The following ESAM variants were observed in gnomAD, a reference collection of about 807,000 sequenced individuals.
The protein encoded by ESAM is endothelial cell-selective adhesion molecule.
A neutral mutation model predicts 31.8 loss-of-function variants in ESAM; 23 were observed. That is an observed-to-expected ratio of 0.72 (90% CI 0.52 to 1.03). The LOEUF is 1.03. ESAM is among the 50% of genes least tolerant of loss of function. The probability of loss-of-function intolerance (pLI) is 0.00; values close to 1 mark genes in which losing one functional copy is unlikely to be tolerated. For missense variants in ESAM, 478 were observed against 488.9 expected (o/e 0.98, Z 0.21); for synonymous variants, 216 against 207.2 (o/e 1.04, Z -0.37).
Position 124,754,578 on chromosome 11 carries a change from C to T in ESAM, c.730+63G>A. On this transcript the variant is annotated intron_variant, in intron 5 of 6. Transcript: ENST00000278927. The surrounding 1 kb of genome is among the most constrained non-coding windows in gnomAD (Gnocchi z 4.5). ...CAGGCCTCAGCAGACAGGCCTCCTC[C>T]CCACTTGCAACCCCTCCCCCACCAT... The T allele has an allele frequency of 6.4e-7, 1 of 1,568,790 alleles. No homozygotes were observed. The highest frequency in any genetic ancestry group is 1.4e-5 in the African/African-American group (1 of 74,000).
Position 124,756,286 on chromosome 11 carries a change from A to C in ESAM, c.528T>G (p.Ser176=), listed in dbSNP as rs1470644577. The C allele has an allele frequency of 6.2e-7, 1 of 1,613,874 alleles. No individual in the cohort carries two copies. Among genetic ancestry groups the C allele is most frequent in the Non-Finnish European group, 8.5e-7 (1 of 1,179,976 alleles). The change falls in exon 4 of 7, where the codon TCT becomes TCG. Residue 176 remains serine, a synonymous_variant. Transcript: ENST00000278927. ...ATTGGACAGCGGGCTTACTCCTTGGAGACTGGCAGCTCAGGGTCACGTTTG... is the reference window on the plus strand; with the variant it reads ...ATTGGACAGCGGGCTTACTCCTTGGCGACTGGCAGCTCAGGGTCACGTTTG... ...VGANVTLSCQ[S]PRSKPAVQYQ... is the part of the protein sequence containing the mutation.
In ESAM at chr11:124,758,339, C is replaced by A; in HGVS notation, c.249+10G>T. On this transcript the variant is annotated intron_variant, in intron 2 of 6. Coordinates refer to ENST00000278927, the MANE Select transcript of ESAM (RefSeq NM_138961.3). ...AACTTGCCGCTGGCTGACAGGCGTT[C>A]TTCCCTCACCTGATCCTCCTTTTCT... is the stretch of plus-strand genomic sequence containing the variant. The A allele has an allele frequency of 6.2e-7, 1 of 1,613,860 alleles. No individual in the cohort carries two copies. The highest frequency in any genetic ancestry group is 8.5e-7 in the Non-Finnish European group (1 of 1,179,816).
chr11:124,762,185 C>T lies in ESAM; in HGVS notation c.-31G>A. 6.4e-7 allele frequency: 1 copy of T among 1,569,818 alleles called. No homozygotes were observed. The highest frequency in any genetic ancestry group is 8.7e-7 in the Non-Finnish European group (1 of 1,154,294). ...TCCCTGGCCGGGACGGAGTCAGGGG[C>T]GCCAGCCGCGGGACGCACGGACCTG... On this transcript the variant is annotated 5_prime_UTR_variant, in exon 1 of 7. Coordinates refer to ENST00000278927, the MANE Select transcript of ESAM (RefSeq NM_138961.3). This position sits in a 1 kb window ranked among gnomAD's most constrained non-coding sequence, Gnocchi z 6.4.
intron 4 of ESAM, 85 bp downstream of exon 4, chr11:124,756,121 TC>T: frequency 1.3e-6 from 2 of 1,574,978 alleles, no homozygotes; most frequent in Non-Finnish European, 1.7e-6. Flanking sequence ...CAGCCTTGGC[TC>T]CCCTTTTCAC....
chr11:124,761,275 C>G (rs1944225622), intron 1 of ESAM, among the ~76,000 whole-genome samples: 1 of 152,204 alleles, frequency 6.6e-6, no homozygotes, highest in Admixed American at 6.5e-5. Flanking sequence ...CTGCCGGGTC[C>G]TCTCCCAGAT....
chr11:124,760,572 G>T (rs139880973), intron 1 of ESAM, among the ~76,000 whole-genome samples: 28 of 152,242 alleles, frequency 1.8e-4, no homozygotes, highest in African/African-American at 4.8e-5. Flanking sequence ...AGCGGAGCCG[G>T]GCGCCTGCAC....
Position 124,754,526 on chromosome 11 carries a change from G to C in ESAM, c.730+115C>G. ...ACCATTTGTACAAACATTTGATCAG[G>C]GGAAGCTCCGTGCCCTGCTACAGAG... On this transcript the variant is annotated intron_variant, in intron 5 of 6. Transcript: ENST00000278927. This position sits in a 1 kb window ranked among gnomAD's most constrained non-coding sequence, Gnocchi z 4.5. 4.6e-6 allele frequency: 7 copies of C among 1,517,642 alleles called. No homozygotes were observed. Among genetic ancestry groups the C allele is most frequent in the Non-Finnish European group, 6.2e-6 (7 of 1,128,836 alleles). 94.0% of individuals were successfully genotyped at this position (1,517,642 alleles called of 1,614,324 possible).
At chr11:124,755,597 G>T (rs866441511) in intron 4 of ESAM, among the ~76,000 whole-genome samples, 1 of 152,034 alleles carries the variant, frequency 6.6e-6, no homozygotes, top group Non-Finnish European at 1.5e-5. Context: ...GTAGAAAGAG[G>T]CAAAATGAAA....
At chr11:124,755,237 CA>C (rs888316491) in intron 4 of ESAM, among the ~76,000 whole-genome samples, 5 of 151,996 alleles carry the variant, frequency 3.3e-5, no homozygotes, top group Non-Finnish European at 7.4e-5. Flanking sequence ...ATGGACTAAT[CA>C]TTATAACAGT....
In ESAM at chr11:124,753,816, G is replaced by T. The variant is rs779167057; in HGVS notation, c.1003C>A (p.Pro335Thr). 2.5e-6 allele frequency: 4 copies of T among 1,613,628 alleles called. No homozygotes were observed. Among genetic ancestry groups the T allele is most frequent in the Non-Finnish European group, 3.4e-6 (4 of 1,179,742 alleles). ...GGCAGGGCCTGGCTGGAGAGACTGG[G>T]CGTGGGGGTCAATGCACCAGGCCTG... ...PPRPGALTPTPSLSSQALPSP... is the reference protein window; with the variant it reads ...PPRPGALTPTTSLSSQALPSP... The change falls in exon 7 of 7, where the codon CCC becomes ACC. Residue 335 changes from proline to threonine, a missense_variant. Transcript: ENST00000278927.
Position 124,753,542 on chromosome 11 carries a change from G to T in ESAM, c.*104C>A. The stretch of plus-strand genomic sequence containing the variant: ...AGAGAGGTGGGGGCAGAGTACTAAG[G>T]GTCAGGAGTGTGACTCTTTCCCATG... On this transcript the variant is annotated 3_prime_UTR_variant, in exon 7 of 7. Coordinates refer to ENST00000278927, the MANE Select transcript of ESAM (RefSeq NM_138961.3). 1 of 1,276,802 alleles carries T rather than the reference G, an allele frequency of 7.8e-7. No individual in the cohort carries two copies. Among genetic ancestry groups the T allele is most frequent in the Non-Finnish European group, 1.1e-6 (1 of 910,068 alleles). 79.1% of individuals were successfully genotyped at this position (1,276,802 alleles called of 1,614,324 possible).
chr11:124,756,706 G>T lies in ESAM; in HGVS notation c.286C>A (p.Pro96Thr), dbSNP rs140721881. 2,885 of 1,614,150 alleles carry T rather than the reference G, an allele frequency of 1.8e-3. 7 individuals carry two copies. Among genetic ancestry groups the T allele is most frequent in the Non-Finnish European group, 2.2e-3 (2,599 of 1,180,026 alleles). The change falls in exon 3 of 7, where the codon CCT (proline) becomes ACT (threonine). Residue 96 changes from proline (P) to threonine (T), a missense_variant. Transcript: ENST00000278927. ...ATGGAGTAGACCAAGGATACTCCAGGTTTGCTTGTTGTGACCCCATTGATG... is the reference window on the plus strand; with the variant it reads ...ATGGAGTAGACCAAGGATACTCCAGTTTTGCTTGTTGTGACCCCATTGATG... ...SYINGVTTSKPGVSLVYSMPS... is the reference protein window; with the variant it reads ...SYINGVTTSKTGVSLVYSMPS...
rs1565441428 is a variant in ESAM, at chr11:124,754,808, TTA to T, written c.608-47_608-46del. ...ATCAGTCCAGGGACCCTCTTTCCCA[TTA>T]AAAAAAAAAAAAAATCTTGTCCCTC... On this transcript the variant is annotated intron_variant, in intron 4 of 6. Transcript: ENST00000278927. The surrounding 1 kb of genome is among the most constrained non-coding windows in gnomAD (Gnocchi z 4.5). 3.8e-5 allele frequency: 57 copies of T among 1,518,508 alleles called. No homozygotes were observed. In the South Asian group the frequency reaches 4.9e-4, roughly 13 times the overall value. The allele number at this position is 1,518,508 out of a possible 1,614,324, so 94.1% of individuals were successfully genotyped here. A position where few individuals can be genotyped will look rare whatever the true frequency, so the allele number is the denominator to read the frequency against.
In ESAM at chr11:124,762,186, G is replaced by A. The variant is rs1383587247; in HGVS notation, c.-32C>T. 6.4e-7 allele frequency: 1 copy of A among 1,567,874 alleles called. No individual in the cohort carries two copies. Among genetic ancestry groups the A allele is most frequent in the Non-Finnish European group, 8.7e-7 (1 of 1,153,252 alleles). ...CCCTGGCCGGGACGGAGTCAGGGGCGCCAGCCGCGGGACGCACGGACCTGC... is the reference window on the plus strand; with the variant it reads ...CCCTGGCCGGGACGGAGTCAGGGGCACCAGCCGCGGGACGCACGGACCTGC... On this transcript the variant is annotated 5_prime_UTR_variant, in exon 1 of 7. Coordinates refer to ENST00000278927, the MANE Select transcript of ESAM (RefSeq NM_138961.3). This position sits in a 1 kb window ranked among gnomAD's most constrained non-coding sequence, Gnocchi z 6.4.
rs764769297 is a variant in ESAM, at chr11:124,758,396, C to T, written c.202G>A (p.Val68Met). 1 of 1,614,198 alleles carries T rather than the reference C, an allele frequency of 6.2e-7. No individual in the cohort carries two copies. The change falls in exon 2 of 7, where the codon GTG (valine) becomes ATG (methionine). Residue 68 changes from valine (V) to methionine (M), a missense_variant. Coordinates refer to ENST00000278927, the MANE Select transcript of ESAM (RefSeq NM_138961.3). ...GEVSSSQPWEVPFVMWFFKQK... is the reference protein window; with the variant it reads ...GEVSSSQPWEMPFVMWFFKQK... ...TTGAAGAACCACATCACAAAGGGCA[C>T]CTCCCATGGCTGGGATGAAGACACC...
chr11:124,756,902 C>T, intron 2 of ESAM, 160 bp from the exon 3 acceptor site: 1 of 700,664 alleles, frequency 1.4e-6, no homozygotes, highest in East Asian at 2.7e-5. Context: ...TTGTCCCTAG[C>T]CCCCTCTCAC....
intron 1 of ESAM, 150 bp from the exon 2 acceptor site, chr11:124,758,677 G>A (rs1376723582): frequency 2.4e-6 from 2 of 844,926 alleles, no homozygotes; most frequent in African/African-American, 3.5e-5. Context: ...GGCCTCAAGG[G>A]GTGCCCAGGG....
Position 124,753,873 on chromosome 11 carries a change from C to G in ESAM, c.946G>C (p.Ala316Pro), listed in dbSNP as rs143254342. ...CCATGGGGTGGCCGGAGGGCTCGTG[C>G]GGAGGTGACAGAGGAAAGGGTCCCA... ...KNGTLSSVTSARALRPPHGPP... is the reference protein window; with the variant it reads ...KNGTLSSVTSPRALRPPHGPP... The change falls in exon 7 of 7, where the codon GCA becomes CCA. Residue 316 changes from alanine to proline, a missense_variant. Coordinates refer to ENST00000278927, the MANE Select transcript of ESAM (RefSeq NM_138961.3). 1 of 1,613,762 alleles carries G rather than the reference C, an allele frequency of 6.2e-7. No individual in the cohort carries two copies. The highest frequency in any genetic ancestry group is 1.1e-5 in the South Asian group (1 of 91,046).
chr11:124,761,019 G>A (rs1167147619), intron 1 of ESAM, among the ~76,000 whole-genome samples: 3 of 152,130 alleles, frequency 2.0e-5, no homozygotes, highest in African/African-American at 7.2e-5. Context: ...AATATTGCAT[G>A]CCCCGACACC....
Sources: allele counts gnomAD v4.1 joint callset (sites outside exome capture counted in the v4.1 genomes callset), GRCh38; gene constraint gnomAD v4.1.1; non-coding constraint Gnocchi (gnomAD v3.1); transcripts MANE v1.5; gene names NCBI Gene and HGNC (gene_info 2026-07-23, HGNC 2026-07-21).